ZNF880: variants seen among roughly 807,000 people sequenced by gnomAD.
ZNF880 encodes the protein zinc finger protein LOC400713.
A neutral mutation model predicts 11.8 loss-of-function variants in ZNF880; 12 were observed. The observed-to-expected ratio is 1.02, with a 90% CI of 0.65 to 1.65. The LOEUF is 1.65. Among genes scored for constraint, ZNF880 ranks in the 40% most tolerant of loss-of-function variants. ZNF880 has a pLI of 0.00. For synonymous variants in ZNF880, 210 were observed against 232.4 expected (o/e 0.90, Z 0.88); for missense variants, 601 against 673.9 (o/e 0.89, Z 1.20).
upstream of ZNF880, among the ~76,000 whole-genome samples, chr19:52,369,335 C>T (rs935954199): frequency 2.8e-5 from 4 of 141,564 alleles, no homozygotes; most frequent in African/African-American, 1.0e-4. Flanking sequence ...TCACTCCAGC[C>T]TGGGCAAAAG....
chr19:52,388,282 C>CTTTTTTTTGTTTTTTTTTTTTTTTTTT (rs1986946048), downstream of ZNF880, among the ~76,000 whole-genome samples: 1 of 63,424 alleles, frequency 1.6e-5, no homozygotes, highest in Non-Finnish European at 2.6e-5. Context: ...GCAATTTGAA[C>CTTTTTTTTGTTTTTTTTTTTTTTTTTT]TTTTTTTTTT....
chr19:52,384,798 AC>A lies in ZNF880; in HGVS notation c.1220del (p.Pro407LeufsTer22). The A allele has an allele frequency of 1.2e-6, 2 of 1,610,950 alleles. No individual in the cohort carries two copies. Among genetic ancestry groups the A allele is most frequent in the Non-Finnish European group, 1.7e-6 (2 of 1,178,276 alleles). The stretch of plus-strand genomic sequence containing the variant: ...ATCATAGAATGCACACGGGAGAGCA[AC>A]CTTACAAATGTAATGAATGTGGCAA... ...NHHRMHTGEQ[P>X]YKCNECGKAF... On this transcript the variant is annotated frameshift_variant, in exon 4 of 4. Coordinates refer to ENST00000422689, the MANE Select transcript of ZNF880 (RefSeq NM_001145434.2). LOFTEE classifies it low-confidence loss of function (END_TRUNC).
upstream of ZNF880, chr19:52,367,002 C>A: frequency 2.1e-6 from 1 of 475,772 alleles, no homozygotes. Context: ...TGAAAACTAC[C>A]AGTATAGCAT....
At chr19:52,388,486 C>T (rs1245514140), downstream of ZNF880, among the ~76,000 whole-genome samples, 4 of 147,364 alleles carry the variant, frequency 2.7e-5, no homozygotes, top group Non-Finnish European at 6.0e-5. Flanking sequence ...CCATGTTGGC[C>T]GGGATGGTCT....
chr19:52,373,666 G>A (rs867220552), intron 2 of ZNF880, among the ~76,000 whole-genome samples: 14 of 121,448 alleles, frequency 1.2e-4, no homozygotes, highest in African/African-American at 4.7e-4. Context: ...GTGAAATACT[G>A]TAATTTTTTT....
At chr19:52,374,831 C>T (rs1207702637) in intron 3 of ZNF880, 7 of 377,046 alleles carry the variant, frequency 1.9e-5, no homozygotes, top group South Asian at 6.3e-5. Flanking sequence ...AGTCTTTGGG[C>T]TCATATGATC....
chr19:52,376,791 T>G (rs549279144), intron 3 of ZNF880, among the ~76,000 whole-genome samples: 1 of 152,220 alleles, frequency 6.6e-6, no homozygotes, highest in South Asian at 2.1e-4. Context: ...ATTATAGGGG[T>G]GAGAGACTGT....
chr19:52,382,606 C>T (rs60935857), intron 3 of ZNF880, among the ~76,000 whole-genome samples: 50,326 of 151,996 alleles, frequency 0.33, 9,078 homozygotes, highest in South Asian at 0.51. Flanking sequence ...CATTTCCTCT[C>T]ACTGCCTTCT....
chr19:52,381,245 C>T (rs1986698146), intron 3 of ZNF880, among the ~76,000 whole-genome samples: 3 of 152,178 alleles, frequency 2.0e-5, no homozygotes, highest in Admixed American at 2.0e-4. Flanking sequence ...CCACTGCATC[C>T]AGCCTCATTC....
rs146363204 is a variant in ZNF880 at position 52,378,632 on chromosome 19, C to T, written c.268+4205C>T. On this transcript the variant is annotated intron_variant, in intron 3 of 3. Transcript: ENST00000422689. ...ACTGCACTCTGGCCTGGTGACAGAG[C>T]GGGACTCTGTCTCAAAAAAAAAAAA... Among the ~76,000 whole-genome samples, 1,140 of 118,158 alleles carry T rather than the reference C, an allele frequency of 9.6e-3. 18 individuals are homozygous for T. The highest frequency in any genetic ancestry group is 0.036 in the African/African-American group (1,089 of 30,198). The allele number at this position is 118,158 out of a possible 152,430, so 77.5% of individuals were successfully genotyped here.
At chr19:52,395,801 C>T in the ZNF880 span, 2 of 152,216 alleles carry the variant, frequency 1.3e-5, no homozygotes, top group African/African-American at 4.8e-5. Context: ...ACATCCTGTC[C>T]TTTTCTCACC....
Position 52,385,290 on chromosome 19 carries a change from T to C in ZNF880, c.1710T>C (p.His570=). 6.4e-7 allele frequency: 1 copy of C among 1,552,032 alleles called. No individual in the cohort carries two copies. Among genetic ancestry groups the C allele is most frequent in the Non-Finnish European group, 8.7e-7 (1 of 1,147,194 alleles). The change falls in exon 4 of 4, where the codon CAT becomes CAC. Residue 570 remains histidine, a synonymous_variant. Transcript: ENST00000422689. ...ACCTGGCAAATCATCACAGAATCCA[T>C]ACTGGAGAGAAACCGTACAGATGAA... ...NSNLANHHRI[H]TGEKPYR
In ZNF880 at chr19:52,376,509, C is replaced by CTTTTTTTT. The variant is rs869288387; in HGVS notation, c.268+2093_268+2100dup. Among the ~76,000 whole-genome samples the CTTTTTTTT allele has an allele frequency of 1.4e-3, 80 of 58,318 alleles. 9 individuals are homozygous for CTTTTTTTT. Among genetic ancestry groups the CTTTTTTTT allele is most frequent in the African/African-American group, 1.7e-3 (23 of 13,730 alleles). 38.3% of individuals were successfully genotyped at this position (58,318 alleles called of 152,430 possible). A position where few individuals can be genotyped will look rare whatever the true frequency, so the allele number is the denominator to read the frequency against. On this transcript the variant is annotated intron_variant, in intron 3 of 3. Coordinates refer to ENST00000422689, the MANE Select transcript of ZNF880 (RefSeq NM_001145434.2). ...GTCCTTAGCACCGCCCCCCCCCCCC[C>CTTTTTTTT]TTTTTTTTTTTTTTTTTTGAGACAG...
chr19:52,375,596 C>T (rs1187160080), intron 3 of ZNF880, among the ~76,000 whole-genome samples: 1 of 152,066 alleles, frequency 6.6e-6, no homozygotes. Context: ...TTGGTGCACC[C>T]ATCACCCGAG....
Position 52,383,999 on chromosome 19 carries a change from A to T in ZNF880, c.419A>T (p.Asn140Ile), listed in dbSNP as rs758847178. Reference sequence around the variant, plus strand: ...AAACATGTCGAAAAACCTATCAACAATTCCTTAGTTTCACCACTTCAAAAA... The same window carrying T: ...AAACATGTCGAAAAACCTATCAACATTTCCTTAGTTTCACCACTTCAAAAA... The part of the protein sequence containing the change: ...GCKHVEKPIN[N>I]SLVSPLQKIY... Residue 140 changes from asparagine to isoleucine, a missense_variant, in exon 4 of 4, where the codon AAT becomes ATT. By Grantham distance (149) the Asn-to-Ile change is moderately radical. Transcript: ENST00000422689. 3.9e-6 allele frequency: 6 copies of T among 1,553,404 alleles called. No homozygotes were observed. In the South Asian group the frequency reaches 5.9e-5, roughly 15 times the overall value.
At position 52,385,184 on chromosome 19, in the gene ZNF880, T is replaced by TA. The variant is rs759348115; in HGVS notation, c.1611dup (p.His538ThrfsTer2). On this transcript the variant is annotated frameshift_variant, in exon 4 of 4. Coordinates refer to ENST00000422689, the MANE Select transcript of ZNF880 (RefSeq NM_001145434.2). LOFTEE classifies it low-confidence loss of function (END_TRUNC). Reference sequence around the variant, plus strand: ...AAGGTCTTCAGCCACAAGTTATACCTAAAAAAACATGAGAGAATTCATACT... The same window carrying TA: ...AAGGTCTTCAGCCACAAGTTATACCTAAAAAAAACATGAGAGAATTCATACT... 4.1e-5 allele frequency: 64 copies of TA among 1,552,650 alleles called. 1 individual carries two copies. The Admixed American group carries it at 6.1e-4, about 15-fold the overall frequency.
At chr19:52,395,526 AGT>A in the ZNF880 span, 1 of 152,124 alleles carries the variant, frequency 6.6e-6, no homozygotes, top group Non-Finnish European at 1.5e-5. Context: ...GTCTGAGTTG[AGT>A]GAGAGATAAT....
In ZNF880 at chr19:52,385,513, C is replaced by G; in HGVS notation, c.*199C>G. 1 of 604,700 alleles carries G rather than the reference C, an allele frequency of 1.7e-6. No individual in the cohort carries two copies. The highest frequency in any genetic ancestry group is 2.8e-6 in the Non-Finnish European group (1 of 352,270). The allele number at this position is 604,700 out of a possible 1,614,324, so 37.5% of individuals were successfully genotyped here. Reference sequence around the variant, plus strand: ...AGGTCTCTTGAGGCCTGCCAAATGACTAGATATCAAAACATACATCTTGGA... The same window carrying G: ...AGGTCTCTTGAGGCCTGCCAAATGAGTAGATATCAAAACATACATCTTGGA... On this transcript the variant is annotated 3_prime_UTR_variant, in exon 4 of 4. Transcript: ENST00000422689.
chr19:52,378,590 T>C (rs1338731762), intron 3 of ZNF880, among the ~76,000 whole-genome samples: 1 of 135,406 alleles, frequency 7.4e-6, no homozygotes, highest in Non-Finnish European at 1.5e-5. Context: ...GAGGTTGCAG[T>C]GAGCCAAGAT....
Sources: gnomAD v4.1 joint callset for allele counts (sites outside exome capture counted in the v4.1 genomes callset) on GRCh38, gnomAD v4.1.1 for gene constraint, MANE v1.5 for transcripts, NCBI Gene and HGNC (gene_info 2026-07-23, HGNC 2026-07-21) for gene names.